The following SMC4 variants were observed in gnomAD, a reference collection of about 807,000 sequenced individuals.
SMC4 encodes the protein structural maintenance of chromosomes 4.
Under a neutral mutation model 145.6 loss-of-function variants are expected in SMC4, and 87 were observed. That is an observed-to-expected ratio of 0.60 (90% CI 0.50 to 0.71). SMC4 has a LOEUF of 0.71. Ranked by LOEUF, SMC4 falls within the 30% of genes least tolerant of loss-of-function variation. The pLI is 0.00. For missense variants in SMC4, 1,447 were observed against 1,537.1 expected (o/e 0.94, Z 0.98); for synonymous variants, 558 against 500.7 (o/e 1.11, Z -1.53).
rs1715388759 is a variant in SMC4 at position 160,406,861 on chromosome 3, T to C, written c.687+2357T>C. Among the ~76,000 whole-genome samples the C allele has an allele frequency of 2.0e-5, 3 of 152,316 alleles. No homozygotes were observed. The South Asian group carries it at 6.2e-4, about 32-fold the overall frequency. On this transcript the variant is annotated intron_variant, in intron 5 of 23. Transcript: ENST00000357388. ...CTATGCTAAAATGCTGTAAGTAATA[T>C]TAAGATGGCTAAACCTTATTTCTTG...
chr3:160,415,467 CA>C (rs60854004), intron 9 of SMC4, among the ~76,000 whole-genome samples: 5 of 149,508 alleles, frequency 3.3e-5, no homozygotes, highest in African/African-American at 1.2e-4. Context: ...CCCAGCCCCG[CA>C]AAAAAAAAGC....
At chr3:160,421,040 C>T (rs1329343889) in intron 13 of SMC4, 139 bp downstream of exon 13, 3 of 579,276 alleles carry the variant, frequency 5.2e-6, no homozygotes, top group African/African-American at 3.9e-5. Flanking sequence ...CACCATTCTC[C>T]TGCCTCAGCC....
chr3:160,412,698 C>CA (rs1327080816), intron 7 of SMC4: 33 of 789,344 alleles, frequency 4.2e-5, no homozygotes, highest in East Asian at 8.4e-5. Flanking sequence ...CCCATCTCTA[C>CA]AAAAAAAGGA....
chr3:160,423,045 T>C (rs1304669790), intron 13 of SMC4, among the ~76,000 whole-genome samples: 1 of 152,182 alleles, frequency 6.6e-6, no homozygotes, highest in African/African-American at 2.4e-5. Flanking sequence ...GTAATAAGTT[T>C]TAAAATCAGG....
intron 12 of SMC4, 45 bp from the exon 13 acceptor site, chr3:160,420,695 T>C: frequency 6.3e-7 from 1 of 1,595,990 alleles, no homozygotes. Context: ...AATGGTCCTG[T>C]GCTTTTCTGC....
chr3:160,423,787 G>A lies in SMC4; in HGVS notation c.2272G>A (p.Val758Ile), dbSNP rs1185116112. The stretch of plus-strand genomic sequence containing the variant: ...TACAATGACTGGTGGTGGAAGCAAA[G>A]TAATGAAAGGAAGAATGGGTTCCTC... ...SGTMTGGGSK[V>I]MKGRMGSSLV... Residue 758 changes from valine to isoleucine, a missense_variant, in exon 15 of 24, where the codon GTA becomes ATA. By Grantham distance (29) the Val-to-Ile change is conservative (BLOSUM62 3). Transcript: ENST00000357388. 6.2e-7 allele frequency: 1 copy of A among 1,613,690 alleles called. No homozygotes were observed. Among genetic ancestry groups the A allele is most frequent in the East Asian group, 2.2e-5 (1 of 44,856 alleles).
intron 1 of SMC4, 92 bp from the exon 2 acceptor site, chr3:160,400,730 C>T (rs1016143253): frequency 1.1e-5 from 15 of 1,373,410 alleles, no homozygotes; most frequent in South Asian, 1.6e-5. Flanking sequence ...GCGGGGCTCT[C>T]GGAAGCCGGT....
At chr3:160,424,651 A>T (rs1717572904) in intron 15 of SMC4, among the ~76,000 whole-genome samples, 1 of 152,206 alleles carries the variant, frequency 6.6e-6, no homozygotes, top group African/African-American at 2.4e-5. Context: ...TACTAAAAAC[A>T]CAAAAATTAG....
intron 5 of SMC4, among the ~76,000 whole-genome samples, chr3:160,411,184 A>T (rs1374138922): frequency 2.0e-5 from 3 of 152,212 alleles, no homozygotes; most frequent in Admixed American, 2.0e-4. Context: ...TTTTAATTAC[A>T]GTTCAAAGTT....
chr3:160,417,726 C>G lies in SMC4; in HGVS notation c.1441C>G (p.Arg481Gly). The G allele has an allele frequency of 1.2e-6, 2 of 1,608,444 alleles. No individual in the cohort carries two copies. The highest frequency in any genetic ancestry group is 1.7e-6 in the Non-Finnish European group (2 of 1,178,256). Residue 481 changes from arginine to glycine, a missense_variant, in exon 11 of 24, where the codon CGA (arginine) becomes GGA (glycine). By Grantham distance (125) the Arg-to-Gly change is moderately radical. Coordinates refer to ENST00000357388, the MANE Select transcript of SMC4 (RefSeq NM_001002800.3). Reference sequence around the variant, plus strand: ...TAATGAACTCATATTTTAACAGAGTCGAGAGAAAGAACTTATGGGTTTCAG... The same window carrying G: ...TAATGAACTCATATTTTAACAGAGTGGAGAGAAAGAACTTATGGGTTTCAG... ...TQGLQKEKES[R>G]EKELMGFSKS...
At chr3:160,433,487 A>G (rs1718646740) in intron 23 of SMC4, 170 bp from the exon 24 acceptor site, 1 of 555,628 alleles carries the variant, frequency 1.8e-6, no homozygotes, top group Admixed American at 3.7e-5. Flanking sequence ...TAGAAGTCAA[A>G]ATAACCAAAT....
At chr3:160,410,684 T>C (rs1174430509) in intron 5 of SMC4, among the ~76,000 whole-genome samples, 2 of 152,292 alleles carry the variant, frequency 1.3e-5, no homozygotes, top group East Asian at 3.9e-4. Flanking sequence ...TCTTAATGAG[T>C]AGATTTTCAA....
chr3:160,420,673 C>T, intron 12 of SMC4, 67 bp from the exon 13 acceptor site: 1 of 1,541,392 alleles, frequency 6.5e-7, no homozygotes, highest in Non-Finnish European at 8.8e-7. Flanking sequence ...GTTTTTAAAA[C>T]TTGATGAATG....
intron 1 of SMC4, chr3:160,399,973 C>T (rs1372317487): frequency 6.6e-6 from 1 of 152,318 alleles, no homozygotes; most frequent in East Asian, 1.9e-4. Context: ...ACTCAAATGT[C>T]TCGGGGAGGC....
In SMC4 at chr3:160,428,861, A is replaced by C. The variant is rs774342938; in HGVS notation, c.2714A>C (p.Lys905Thr). The C allele has an allele frequency of 1.0e-5, 16 of 1,606,568 alleles. No homozygotes were observed. The South Asian group carries it at 1.7e-4, about 17-fold the overall frequency. The change falls in exon 18 of 24, where the codon AAA (lysine) becomes ACA (threonine). Residue 905 changes from lysine (K) to threonine (T), a missense_variant. Physicochemically the swap from Lys to Thr is moderately conservative, Grantham distance 78. Coordinates refer to ENST00000357388, the MANE Select transcript of SMC4 (RefSeq NM_001002800.3). ...NNHKLKAQQD[K>T]LDKINKQLDE... is the part of the protein sequence containing the mutation. ...CATAAACTCAAGGCCCAACAAGACA[A>C]ACTTGATAAAATAAATAAGCAATTA...
chr3:160,433,639 T>C lies in SMC4; in HGVS notation c.3715-18T>C. 4 of 1,472,804 alleles carry C rather than the reference T, an allele frequency of 2.7e-6. No homozygotes were observed. Among genetic ancestry groups the C allele is most frequent in the South Asian group, 1.3e-5 (1 of 75,876 alleles). 91.2% of individuals were successfully genotyped at this position (1,472,804 alleles called of 1,614,324 possible). A position where few individuals can be genotyped will look rare whatever the true frequency, so the allele number is the denominator to read the frequency against. ...CCTGTTATTACTTAATGTTTGACTTTTCTTTGTTTCTCTTTAGGAACAAAC... is the reference window on the plus strand; with the variant it reads ...CCTGTTATTACTTAATGTTTGACTTCTCTTTGTTTCTCTTTAGGAACAAAC... On this transcript the variant is annotated intron_variant, in intron 23 of 23. Coordinates refer to ENST00000357388, the MANE Select transcript of SMC4 (RefSeq NM_001002800.3).
chr3:160,421,717 CTG>C (rs1252597206), intron 13 of SMC4, among the ~76,000 whole-genome samples: 1 of 152,172 alleles, frequency 6.6e-6, no homozygotes, highest in Non-Finnish European at 1.5e-5. Flanking sequence ...GCACTCCAGT[CTG>C]GGTGACAGAG....
chr3:160,404,422 A>G lies in SMC4; in HGVS notation c.605A>G (p.Lys202Arg). Residue 202 changes from lysine (K) to arginine (R), a missense_variant, in exon 5 of 24, where the codon AAG becomes AGG. By Grantham distance (26) the Lys-to-Arg change is conservative. Coordinates refer to ENST00000357388, the MANE Select transcript of SMC4 (RefSeq NM_001002800.3). ...ACTTCTGTCTATCACATAAGTGGAA[A>G]GAAAAAGACATTTAAGGATGTTGGA... ...DNTSVYHISGKKKTFKDVGNL... is the reference protein window; with the variant it reads ...DNTSVYHISGRKKTFKDVGNL... 6.2e-7 allele frequency: 1 copy of G among 1,612,380 alleles called. No individual in the cohort carries two copies. The highest frequency in any genetic ancestry group is 8.5e-7 in the Non-Finnish European group (1 of 1,179,364).
Sources: gnomAD v4.1 joint callset for allele counts (sites outside exome capture counted in the v4.1 genomes callset) on GRCh38, gnomAD v4.1.1 for gene constraint, MANE v1.5 for transcripts, NCBI Gene and HGNC (gene_info 2026-07-23, HGNC 2026-07-21) for gene names.